TSPAN5: variants seen among roughly 807,000 people sequenced by gnomAD.
TSPAN5 encodes the protein tetraspanin 5, also known as tetraspanin-5.
TSPAN5 carries 10 observed loss-of-function variants against 37.1 expected under a neutral mutation model. The ratio of observed to expected loss-of-function variants is 0.27; its 90% CI spans 0.17 to 0.46. TSPAN5 has a LOEUF of 0.46. Among genes scored for constraint, TSPAN5 ranks in the 20% least tolerant of loss-of-function variants. The pLI, the probability that TSPAN5 is intolerant of heterozygous loss-of-function variation, is 1.00. For missense variants in TSPAN5, 195 were observed against 326.6 expected (o/e 0.60, Z 3.11); for synonymous variants, 110 against 118.9 (o/e 0.93, Z 0.48).
At chr4:98,599,475 T>A (rs1755834571) in intron 1 of TSPAN5, among the ~76,000 whole-genome samples, 1 of 152,234 alleles carries the variant, frequency 6.6e-6, no homozygotes, top group South Asian at 2.1e-4. Flanking sequence ...ATAAAATATA[T>A]TCATTTTGCA....
chr4:98,490,851 G>C (rs1753069122), intron 2 of TSPAN5, among the ~76,000 whole-genome samples: 1 of 152,142 alleles, frequency 6.6e-6, no homozygotes, highest in Non-Finnish European at 1.5e-5. Context: ...ACGAGGTCAG[G>C]AAATCGAGAC....
chr4:98,479,297 C>T (rs750185350), intron 4 of TSPAN5, among the ~76,000 whole-genome samples: 18 of 152,014 alleles, frequency 1.2e-4, no homozygotes, highest in African/African-American at 2.7e-4. Flanking sequence ...TTTTATGGAG[C>T]GCAGGGAGAC....
intron 2 of TSPAN5, among the ~76,000 whole-genome samples, chr4:98,500,597 C>G (rs1006171639): frequency 9.2e-5 from 14 of 152,124 alleles, no homozygotes; most frequent in African/African-American, 2.7e-4. Flanking sequence ...CCTTGGTTTC[C>G]CCACCTATGA....
intron 1 of TSPAN5, among the ~76,000 whole-genome samples, chr4:98,591,709 G>GT (rs1226274277): frequency 9.1e-5 from 12 of 131,834 alleles, no homozygotes; most frequent in Non-Finnish European, 1.7e-4. Context: ...TAATTTCATG[G>GT]TTTTTTTTCT....
chr4:98,525,837 G>A (rs1753949147), intron 1 of TSPAN5, among the ~76,000 whole-genome samples: 1 of 152,140 alleles, frequency 6.6e-6, no homozygotes, highest in Non-Finnish European at 1.5e-5. Context: ...ATACATACAT[G>A]TCATTTTGCT....
chr4:98,473,842 T>C (rs1752639451), intron 7 of TSPAN5, among the ~76,000 whole-genome samples: 1 of 152,168 alleles, frequency 6.6e-6, no homozygotes, highest in Admixed American at 6.5e-5. Context: ...TGGAGTACAG[T>C]GGCGTGATCA....
chr4:98,535,924 C>G (rs1167904055), intron 1 of TSPAN5, among the ~76,000 whole-genome samples: 1 of 152,122 alleles, frequency 6.6e-6, no homozygotes, highest in African/African-American at 2.4e-5. Flanking sequence ...TTCTAGTTAG[C>G]AATTCGTCTA....
In TSPAN5 at chr4:98,481,401, G is replaced by A. The variant is rs6848253; in HGVS notation, c.450+604C>T. Among the ~76,000 whole-genome samples the A allele has an allele frequency of 3.5e-3, 534 of 152,236 alleles. 3 individuals are homozygous for A. Among genetic ancestry groups the A allele is most frequent in the African/African-American group, 0.012 (485 of 41,536 alleles). ...CCATTTCACAGGCATGCTCAGAGAC[G>A]GGAGGGAGTGGCCTGGACTCCAATG... On this transcript the variant is annotated intron_variant, in intron 4 of 7. Transcript: ENST00000305798.
At chr4:98,489,849 G>C (rs1255017277) in intron 2 of TSPAN5, among the ~76,000 whole-genome samples, 2 of 152,116 alleles carry the variant, frequency 1.3e-5, no homozygotes, top group African/African-American at 4.8e-5. Context: ...GAGAACAAGA[G>C]GCTTGCCGCC....
chr4:98,481,951 TG>T, intron 4 of TSPAN5, 53 bp downstream of exon 4: 1 of 1,577,894 alleles, frequency 6.3e-7, no homozygotes, highest in Non-Finnish European at 8.7e-7. Flanking sequence ...TGAAATTCAC[TG>T]GGGTCATCGT....
intron 1 of TSPAN5, among the ~76,000 whole-genome samples, chr4:98,646,967 G>C (rs531311746): frequency 1.3e-5 from 2 of 152,224 alleles, no homozygotes; most frequent in East Asian, 3.9e-4. Context: ...TACTAAACGT[G>C]CCATTTTGCA....
chr4:98,502,442 T>C (rs1205038629), intron 2 of TSPAN5, among the ~76,000 whole-genome samples: 1 of 152,162 alleles, frequency 6.6e-6, no homozygotes, highest in Non-Finnish European at 1.5e-5. Flanking sequence ...CTGTGAGGTA[T>C]GGAAACCAGG....
intron 7 of TSPAN5, among the ~76,000 whole-genome samples, chr4:98,473,483 C>T (rs917618588): frequency 3.5e-5 from 5 of 142,916 alleles, no homozygotes; most frequent in East Asian, 2.0e-4. Context: ...GACGGAGTCT[C>T]GCTCTGTCGC....
chr4:98,526,184 T>C lies in TSPAN5; in HGVS notation c.82-18456A>G, dbSNP rs372735431. Among the ~76,000 whole-genome samples the C allele has an allele frequency of 9.1e-4, 139 of 152,256 alleles. 1 individual carries two copies. The highest frequency in any genetic ancestry group is 3.2e-3 in the African/African-American group (131 of 41,542). On this transcript the variant is annotated intron_variant, in intron 1 of 7. Transcript: ENST00000305798. ...ATTTTTGCTCAAACACCGTTAGAAC[T>C]GAAAGGAACCTCTGAGGCCCAACAA... is the stretch of plus-strand genomic sequence containing the variant.
At chr4:98,507,628 T>C in intron 2 of TSPAN5, 50 bp downstream of exon 2, 2 of 1,399,866 alleles carry the variant, frequency 1.4e-6, no homozygotes, top group African/African-American at 1.4e-5. Flanking sequence ...TAATATGATG[T>C]GCAGCCTCTA....
chr4:98,636,318 T>C (rs1011581386), intron 1 of TSPAN5, among the ~76,000 whole-genome samples: 2 of 152,204 alleles, frequency 1.3e-5, no homozygotes, highest in African/African-American at 4.8e-5. Context: ...ACATCAAATA[T>C]GCCCTACACC....
intron 1 of TSPAN5, among the ~76,000 whole-genome samples, chr4:98,567,488 C>T (rs1189706862): frequency 6.6e-6 from 1 of 152,180 alleles, no homozygotes; most frequent in Non-Finnish European, 1.5e-5. Flanking sequence ...TTACAAAGAA[C>T]TTTTACACAA....
At chr4:98,653,078 C>T (rs1311650787) in intron 1 of TSPAN5, among the ~76,000 whole-genome samples, 1 of 152,196 alleles carries the variant, frequency 6.6e-6, no homozygotes, top group Admixed American at 6.5e-5. Flanking sequence ...TTTCTTCCTA[C>T]CATCTCCCTG....
chr4:98,487,247 A>G (rs1174205492), intron 2 of TSPAN5, among the ~76,000 whole-genome samples: 4 of 150,668 alleles, frequency 2.7e-5, no homozygotes, highest in Non-Finnish European at 4.4e-5. Context: ...AGAAAAAAAA[A>G]AAAAAAAGAA....
Sources: gnomAD v4.1 joint callset for allele counts (sites outside exome capture counted in the v4.1 genomes callset) on GRCh38, gnomAD v4.1.1 for gene constraint, MANE v1.5 for transcripts, NCBI Gene and HGNC (gene_info 2026-07-23, HGNC 2026-07-21) for gene names.